XPC: variants seen among roughly 807,000 people sequenced by gnomAD.
The protein encoded by XPC is DNA repair protein complementing XP-C cells.
A neutral mutation model predicts 95.8 loss-of-function variants in XPC; 76 were observed. The observed-to-expected ratio is 0.79, with a 90% CI of 0.66 to 0.96. The LOEUF (loss-of-function observed/expected upper bound fraction) is 0.96, where lower values mean the gene tolerates loss of function less well. XPC is among the 40% of genes least tolerant of loss of function. The pLI, the probability that XPC is intolerant of heterozygous loss-of-function variation, is 0.00. For synonymous variants in XPC, 442 were observed against 442.1 expected, an observed-to-expected ratio of 1.00 and a Z score of 0.00; for missense variants, 1,146 against 1,179.8, an observed-to-expected ratio of 0.97 and a Z score of 0.42.
At chr3:14,149,728 G>C (rs1288382734) in intron 11 of XPC, 3 of 152,174 alleles carry the variant, frequency 2.0e-5, no homozygotes, top group African/African-American at 7.2e-5. Context: ...CGAAAGTGCT[G>C]GAATTACAGG....
intron 11 of XPC, chr3:14,151,280 T>C (rs1456771080): frequency 2.0e-5 from 3 of 152,234 alleles, no homozygotes; most frequent in African/African-American, 4.8e-5. Context: ...CTTTAAAATA[T>C]TTCTTACTGC....
At position 14,158,362 on chromosome 3, in the gene XPC, A is replaced by G; in HGVS notation, c.1521T>C (p.Ser507=). Residue 507 remains serine (S), a synonymous_variant, in exon 9 of 16, where the codon AGT becomes AGC. Transcript: ENST00000285021. The surrounding 1 kb of genome is among the most constrained non-coding windows in gnomAD (Gnocchi z 5.2). Reference sequence around the variant, plus strand: ...CGCTGCACATTTTCTTGCCTCTTTTACTGCTTGAAGAGCTTGAGGATGCCG... The same window carrying G: ...CGCTGCACATTTTCTTGCCTCTTTTGCTGCTTGAAGAGCTTGAGGATGCCG... ...LPAASSSSSS[S]KRGKKMCSDG... 6.2e-7 allele frequency: 1 copy of G among 1,613,776 alleles called. No individual in the cohort carries two copies. The highest frequency in any genetic ancestry group is 8.5e-7 in the Non-Finnish European group (1 of 1,179,856).
chr3:14,178,128 T>G (rs1017153576), intron 1 of XPC, among the ~76,000 whole-genome samples: 1 of 152,248 alleles, frequency 6.6e-6, no homozygotes, highest in Non-Finnish European at 1.5e-5. Context: ...TGCATCACTC[T>G]ACGTCCTGGT....
intron 7 of XPC, among the ~76,000 whole-genome samples, chr3:14,163,720 G>A (rs904767194): frequency 9.2e-5 from 14 of 152,194 alleles, no homozygotes; most frequent in Admixed American, 3.9e-4. Context: ...TCACTGAATT[G>A]TACCCCCTCT....
At chr3:14,155,119 T>C (rs1695849599) in intron 10 of XPC, among the ~76,000 whole-genome samples, 1 of 152,084 alleles carries the variant, frequency 6.6e-6, no homozygotes, top group African/African-American at 2.4e-5. Context: ...CAGGGCATCA[T>C]GCCCCCCACC....
In XPC at chr3:14,145,898, G is replaced by A. The variant is rs1255110898; in HGVS notation, c.*43C>T. The A allele has an allele frequency of 1.3e-6, 2 of 1,582,530 alleles. No homozygotes were observed. Among genetic ancestry groups the A allele is most frequent in the Non-Finnish European group, 1.7e-6 (2 of 1,160,024 alleles). On this transcript the variant is annotated 3_prime_UTR_variant, in exon 16 of 16. Coordinates refer to ENST00000285021, the MANE Select transcript of XPC (RefSeq NM_004628.5). ...CAGGGCAGGTGTGGGGCCTGTAGTG[G>A]GGCAGCAGCAACTGGTGGGTGCCCC...
Position 14,164,815 on chromosome 3 carries a change from G to A in XPC, c.898C>T (p.His300Tyr), listed in dbSNP as rs1336716313. The A allele has an allele frequency of 6.2e-7, 1 of 1,612,788 alleles. No homozygotes were observed. Among genetic ancestry groups the A allele is most frequent in the South Asian group, 1.1e-5 (1 of 90,806 alleles). Residue 300 changes from histidine to tyrosine, a missense_variant and splice_region_variant, in exon 7 of 16, where the codon CAT (histidine) becomes TAT (tyrosine). Transcript: ENST00000285021. ...AGTGATCCGGGAGGATCACTTACAT[G>A]GACCAATTCCTCATCATCTCGAGCA... Reference protein sequence around the residue: ...YSARDDEELVHIFLLILRALQ... With the variant: ...YSARDDEELVYIFLLILRALQ...
intron 8 of XPC, among the ~76,000 whole-genome samples, 194 bp downstream of exon 8, chr3:14,159,547 C>T (rs772177702): frequency 6.6e-6 from 1 of 152,188 alleles, no homozygotes; most frequent in Non-Finnish European, 1.5e-5. Flanking sequence ...GGCCACTCTG[C>T]ACACGTGAAG....
rs538707848 is a variant in XPC, at chr3:14,148,999, A to C, written c.2116-51T>G. 3.1e-6 allele frequency: 5 copies of C among 1,606,532 alleles called. No individual in the cohort carries two copies. In the East Asian group the frequency reaches 8.9e-5, roughly 29 times the overall value. On this transcript the variant is annotated intron_variant, in intron 11 of 15. Transcript: ENST00000285021. Reference sequence around the variant, plus strand: ...TTACAACAAAGGCATCCAGTTCCTCAGCACCGGGCCAGGCACCATGCTCAG... The same window carrying C: ...TTACAACAAAGGCATCCAGTTCCTCCGCACCGGGCCAGGCACCATGCTCAG...
At chr3:14,153,981 G>A (rs944703893) in intron 10 of XPC, among the ~76,000 whole-genome samples, 2 of 152,150 alleles carry the variant, frequency 1.3e-5, no homozygotes, top group Admixed American at 1.3e-4. Flanking sequence ...AGACAGGAGC[G>A]GGTAAAAAAG....
At chr3:14,159,880 G>A (rs1448244837) in intron 7 of XPC, 50 bp from the exon 8 acceptor site, 7 of 1,501,726 alleles carry the variant, frequency 4.7e-6, no homozygotes, top group Non-Finnish European at 6.4e-6. Flanking sequence ...AATTAAAGAT[G>A]TAATGAGTTC....
At position 14,165,706 on chromosome 3, in the gene XPC, A is replaced by G. The variant is rs989199775; in HGVS notation, c.622-121T>C. 7.8e-5 allele frequency: 97 copies of G among 1,240,400 alleles called. 1 individual carries two copies. The East Asian group carries it at 1.4e-3, about 18-fold the overall frequency. 76.8% of individuals were successfully genotyped at this position (1,240,400 alleles called of 1,614,324 possible). On this transcript the variant is annotated intron_variant, in intron 5 of 15. Coordinates refer to ENST00000285021, the MANE Select transcript of XPC (RefSeq NM_004628.5). ...AATATGTGTTGCCATTTCTACATAT[A>G]AGAAAGTAAAAACACTAGCATTGGC...
chr3:14,165,754 C>CA, intron 5 of XPC, 169 bp from the exon 6 acceptor site: 2 of 729,608 alleles, frequency 2.7e-6, no homozygotes, highest in South Asian at 3.7e-5. Context: ...TTGTCTTTGA[C>CA]CCTCTCTTTT....
chr3:14,167,760 A>G (rs1559381270), intron 4 of XPC, among the ~76,000 whole-genome samples: 1 of 152,180 alleles, frequency 6.6e-6, no homozygotes, highest in Non-Finnish European at 1.5e-5. Context: ...CCCATCGCAC[A>G]TTGGAATTCC....
chr3:14,159,619 G>T, intron 8 of XPC, 122 bp downstream of exon 8: 2 of 1,003,952 alleles, frequency 2.0e-6, no homozygotes, highest in Middle Eastern at 2.3e-4. Flanking sequence ...TATGTGCAAG[G>T]CTCGAAAGAA....
chr3:14,152,518 T>C (rs1400650374), intron 10 of XPC, 102 bp from the exon 11 acceptor site: 1 of 1,169,798 alleles, frequency 8.5e-7, no homozygotes, highest in African/African-American at 1.6e-5. Context: ...CTCCTCAGGT[T>C]CAGCCACCCT....
At chr3:14,148,519 C>T (rs1243798749) in intron 13 of XPC, 43 bp downstream of exon 13, 1 of 1,606,430 alleles carries the variant, frequency 6.2e-7, no homozygotes, top group African/African-American at 1.3e-5. Flanking sequence ...AGCCACCCCT[C>T]CCCATCCCTG....
Position 14,145,950 on chromosome 3 carries a change from C to T in XPC, c.2814G>A (p.Glu938=), listed in dbSNP as rs2125004457. The T allele has an allele frequency of 3.7e-6, 6 of 1,604,954 alleles. No individual in the cohort carries two copies. The highest frequency in any genetic ancestry group is 3.4e-4 in the Middle Eastern group (2 of 5,942). ...KAAASHLFPF[E]QL ...CTAGTGGGCGCTCAGCTCACAGCTG[C>T]TCAAATGGGAACAGGTGGGAAGCTG... The change falls in exon 16 of 16, where the codon GAG becomes GAA. Residue 938 remains glutamate, a synonymous_variant. Coordinates refer to ENST00000285021, the MANE Select transcript of XPC (RefSeq NM_004628.5).
intron 8 of XPC, 115 bp downstream of exon 8, chr3:14,159,626 A>G: frequency 9.1e-7 from 1 of 1,099,796 alleles, no homozygotes; most frequent in Non-Finnish European, 1.3e-6. Context: ...AAGGCTCGAA[A>G]GAACCCACAC....
Sources: gnomAD v4.1 joint callset for allele counts (sites outside exome capture counted in the v4.1 genomes callset) on GRCh38, gnomAD v4.1.1 for gene constraint, Gnocchi (gnomAD v3.1) non-coding constraint, MANE v1.5 for transcripts, NCBI Gene and HGNC (gene_info 2026-07-23, HGNC 2026-07-21) for gene names.